Variants in PPP2R5A observed in about 807,000 individuals in gnomAD.
PPP2R5A encodes the protein serine/threonine-protein phosphatase 2A 56 kDa regulatory subunit alpha isoform.
PPP2R5A carries 25 observed loss-of-function variants against 64.2 expected under a neutral mutation model. The ratio of observed to expected loss-of-function variants is 0.39; its 90% CI spans 0.28 to 0.54. The LOEUF (loss-of-function observed/expected upper bound fraction) is 0.54. Among genes scored for constraint, PPP2R5A ranks in the 20% least tolerant of loss-of-function variants. The probability of loss-of-function intolerance (pLI) is 0.67; values close to 1 mark genes in which losing one functional copy is unlikely to be tolerated. For missense variants in PPP2R5A, 425 were observed against 576.3 expected (o/e 0.74, Z 2.69); for synonymous variants, 198 against 201.2 (o/e 0.98, Z 0.13).
intron 3 of PPP2R5A, among the ~76,000 whole-genome samples, chr1:212,339,992 TAA>T (rs67654928): frequency 4.4e-4 from 32 of 72,712 alleles, no homozygotes; most frequent in South Asian, 1.1e-3. Flanking sequence ...ACATGCTGCT[TAA>T]AAAAAAAAAA....
intron 1 of PPP2R5A, among the ~76,000 whole-genome samples, chr1:212,323,350 T>C (rs1202449448): frequency 6.6e-6 from 1 of 152,232 alleles, no homozygotes; most frequent in Non-Finnish European, 1.5e-5. Context: ...ATAAAACACT[T>C]AGAATTGTCT....
At chr1:212,320,805 CG>C (rs1357005246) in intron 1 of PPP2R5A, among the ~76,000 whole-genome samples, 1 of 135,504 alleles carries the variant, frequency 7.4e-6, no homozygotes, top group East Asian at 2.4e-4. Flanking sequence ...GCTGGCCGGG[CG>C]GGGGGCTGAC....
At chr1:212,322,419 A>G (rs1659324925) in intron 1 of PPP2R5A, among the ~76,000 whole-genome samples, 1 of 152,240 alleles carries the variant, frequency 6.6e-6, no homozygotes, top group South Asian at 2.1e-4. Context: ...TCTTTCACAA[A>G]TGTACCAGAG....
chr1:212,326,179 A>C (rs961105501), intron 1 of PPP2R5A, among the ~76,000 whole-genome samples: 1 of 152,034 alleles, frequency 6.6e-6, no homozygotes, highest in African/African-American at 2.4e-5. Flanking sequence ...ATGAATTTTA[A>C]TTCTGGGATA....
intron 1 of PPP2R5A, among the ~76,000 whole-genome samples, chr1:212,326,859 G>A (rs921718084): frequency 6.6e-6 from 1 of 152,186 alleles, no homozygotes; most frequent in African/African-American, 2.4e-5. Context: ...AAAATCATGT[G>A]ACTTTTGCTG....
chr1:212,309,650 C>T (rs1036289612), intron 1 of PPP2R5A: 4 of 502,084 alleles, frequency 8.0e-6, no homozygotes, highest in Non-Finnish European at 1.1e-5. Context: ...CTACAACCTT[C>T]TTTTTTTCTG....
chr1:212,325,713 A>G (rs1659397211), intron 1 of PPP2R5A, among the ~76,000 whole-genome samples: 1 of 152,116 alleles, frequency 6.6e-6, no homozygotes, highest in Admixed American at 6.5e-5. Context: ...TATCTTTGAA[A>G]ATAGATAACT....
intron 12 of PPP2R5A, among the ~76,000 whole-genome samples, chr1:212,360,052 G>A (rs1447061393): frequency 6.6e-6 from 1 of 152,164 alleles, no homozygotes; most frequent in Non-Finnish European, 1.5e-5. Flanking sequence ...ACTCAGAAAT[G>A]TTTTCCTTAG....
chr1:212,288,495 A>T (rs1313632081), intron 1 of PPP2R5A, among the ~76,000 whole-genome samples: 1 of 152,224 alleles, frequency 6.6e-6, no homozygotes, highest in Non-Finnish European at 1.5e-5. Context: ...TATTCATCAT[A>T]AGGAAAATTA....
chr1:212,292,361 AAAGC>A (rs1390424577), intron 1 of PPP2R5A, among the ~76,000 whole-genome samples: 1 of 152,224 alleles, frequency 6.6e-6, no homozygotes, highest in Non-Finnish European at 1.5e-5. Flanking sequence ...TTTTTCTGTG[AAAGC>A]AGAGTCATTA....
chr1:212,353,031 C>A, intron 8 of PPP2R5A: 1 of 496,368 alleles, frequency 2.0e-6, no homozygotes. Context: ...GGTGGGCCCT[C>A]TGCTCAGGGT....
At chr1:212,321,676 C>T (rs1266235630) in intron 1 of PPP2R5A, among the ~76,000 whole-genome samples, 7 of 145,804 alleles carry the variant, frequency 4.8e-5, no homozygotes, top group Non-Finnish European at 8.9e-5. Flanking sequence ...GGATGGCGGC[C>T]GGGCAGAGAC....
intron 8 of PPP2R5A, among the ~76,000 whole-genome samples, chr1:212,353,321 T>A (rs892276198): frequency 6.6e-6 from 1 of 152,190 alleles, no homozygotes; most frequent in Non-Finnish European, 1.5e-5. Context: ...ATCTTACTCA[T>A]GAAGTGACAT....
chr1:212,320,474 C>G (rs766630990), intron 1 of PPP2R5A, among the ~76,000 whole-genome samples: 1 of 152,166 alleles, frequency 6.6e-6, no homozygotes, highest in Admixed American at 6.5e-5. Flanking sequence ...ACCTCCCAGA[C>G]GGGGTGGTGG....
chr1:212,322,791 A>ATTTC (rs1659334293), intron 1 of PPP2R5A, among the ~76,000 whole-genome samples: 1 of 139,096 alleles, frequency 7.2e-6, no homozygotes, highest in African/African-American at 2.8e-5. Context: ...TTATTTATTT[A>ATTTC]TTTCATTCTT....
intron 1 of PPP2R5A, among the ~76,000 whole-genome samples, chr1:212,316,247 C>T (rs569926306): frequency 6.6e-6 from 1 of 152,282 alleles, no homozygotes; most frequent in South Asian, 2.1e-4. Flanking sequence ...TTGTACCAAA[C>T]AGCCAAGTTG....
At chr1:212,320,149 T>A (rs1031121253) in intron 1 of PPP2R5A, among the ~76,000 whole-genome samples, 3 of 151,582 alleles carry the variant, frequency 2.0e-5, no homozygotes, top group Non-Finnish European at 4.4e-5. Flanking sequence ...TGATGACTCT[T>A]AACGAGCATG....
intron 1 of PPP2R5A, among the ~76,000 whole-genome samples, chr1:212,303,842 A>G (rs570369777): frequency 2.5e-4 from 38 of 152,172 alleles, no homozygotes; most frequent in Admixed American, 9.8e-4. Flanking sequence ...AAATTAGCAC[A>G]TGGTTTTATT....
intron 4 of PPP2R5A, among the ~76,000 whole-genome samples, chr1:212,344,441 T>A (rs1659738493): frequency 6.6e-6 from 1 of 152,204 alleles, no homozygotes; most frequent in African/African-American, 2.4e-5. Flanking sequence ...ATAAATATGA[T>A]TTAAGTCATC....
Sources: gnomAD v4.1 joint callset for allele counts (sites outside exome capture counted in the v4.1 genomes callset) on GRCh38, gnomAD v4.1.1 for gene constraint, MANE v1.5 for transcripts, NCBI Gene and HGNC (gene_info 2026-07-23, HGNC 2026-07-21) for gene names.